WDPCP: variants seen among roughly 807,000 people sequenced by gnomAD.
The protein encoded by WDPCP is WD repeat containing planar cell polarity effector.
Under a neutral mutation model 93.1 loss-of-function variants are expected in WDPCP, and 71 were observed. That is an observed-to-expected ratio of 0.76 (90% CI 0.63 to 0.93). The LOEUF (loss-of-function observed/expected upper bound fraction) is 0.93. WDPCP is among the 40% of genes least tolerant of loss of function. The probability of loss-of-function intolerance (pLI) is 0.00; values close to 1 mark genes in which losing one functional copy is unlikely to be tolerated. For missense variants in WDPCP, 844 were observed against 887.4 expected (o/e 0.95, Z 0.62); for synonymous variants, 315 against 315.0 (o/e 1.00, Z 0.00).
At chr2:63,448,136 G>C (rs999224320) in intron 6 of WDPCP, among the ~76,000 whole-genome samples, 2 of 151,898 alleles carry the variant, frequency 1.3e-5, no homozygotes, top group African/African-American at 4.8e-5. Flanking sequence ...AAATTCTGCT[G>C]ATACTCTTTG....
At chr2:63,423,589 T>G (rs1223794832) in intron 9 of WDPCP, among the ~76,000 whole-genome samples, 1 of 152,200 alleles carries the variant, frequency 6.6e-6, no homozygotes, top group Non-Finnish European at 1.5e-5. Flanking sequence ...TAAGAGATCA[T>G]GAAATTACCA....
chr2:63,589,222 T>C, upstream of WDPCP: 2 of 1,568,774 alleles, frequency 1.3e-6, no homozygotes, highest in Non-Finnish European at 1.7e-6. Context: ...TGGGAAGGGA[T>C]TGATTTCCAC....
chr2:63,294,547 A>G lies in WDPCP; in HGVS notation c.1812+18701T>C, dbSNP rs370625961. ...AAAAAAAAAAGTGCTGAAAGAAAAAAAATGTCAACCAAGAATCCCGTATCT... is the reference window on the plus strand; with the variant it reads ...AAAAAAAAAAGTGCTGAAAGAAAAAGAATGTCAACCAAGAATCCCGTATCT... On this transcript the variant is annotated intron_variant, in intron 13 of 17. Transcript: ENST00000272321. Among the ~76,000 whole-genome samples, 454 of 151,908 alleles carry G rather than the reference A, an allele frequency of 3.0e-3. 23 individuals carry two copies. In the South Asian group the frequency reaches 0.074, roughly 25 times the overall value.
chr2:63,799,247 A>G (rs964618874), intron 2 of WDPCP, among the ~76,000 whole-genome samples: 7 of 152,216 alleles, frequency 4.6e-5, no homozygotes, highest in African/African-American at 1.4e-4. Flanking sequence ...AAGGATCACC[A>G]ATATCTTGTT....
intron 2 of WDPCP, among the ~76,000 whole-genome samples, chr2:63,803,600 T>A (rs1575777314): frequency 1.3e-5 from 2 of 152,292 alleles, no homozygotes; most frequent in South Asian, 4.1e-4. Flanking sequence ...TGGCTGTTAA[T>A]ATAGGAATTA....
chr2:63,310,135 T>C (rs1340037690), intron 13 of WDPCP, among the ~76,000 whole-genome samples: 2 of 152,158 alleles, frequency 1.3e-5, no homozygotes, highest in Non-Finnish European at 2.9e-5. Context: ...GTCATTACAA[T>C]ATGCCAGGCA....
At chr2:63,514,138 A>C (rs1702410042) in intron 1 of WDPCP, among the ~76,000 whole-genome samples, 1 of 152,192 alleles carries the variant, frequency 6.6e-6, no homozygotes, top group South Asian at 2.1e-4. Flanking sequence ...AGAAGAAATA[A>C]CTGAAGAATT....
In WDPCP at chr2:63,345,415, G is replaced by A. The variant is rs538295359; in HGVS notation, c.1749-32104C>T. Among the ~76,000 whole-genome samples the A allele has an allele frequency of 2.6e-5, 4 of 152,278 alleles. No individual in the cohort carries two copies. In the East Asian group the frequency reaches 7.7e-4, roughly 29 times the overall value. ...AACCGCTCTGCAGTACATGCAGTTG[G>A]CAGGACACAGATAGGCAAGTCTCAC... On this transcript the variant is annotated intron_variant, in intron 12 of 17. Transcript: ENST00000272321.
intron 2 of WDPCP, among the ~76,000 whole-genome samples, chr2:63,722,611 G>T (rs1453438492): frequency 7.0e-6 from 1 of 143,474 alleles, no homozygotes; most frequent in Non-Finnish European, 1.6e-5. Context: ...GAGGGAGGTG[G>T]GGGGGTCAGC....
intron 10 of WDPCP, among the ~76,000 whole-genome samples, chr2:63,388,222 T>A (rs756451624): frequency 2.6e-5 from 4 of 152,092 alleles, no homozygotes; most frequent in Non-Finnish European, 5.9e-5. Context: ...TTTCTGCATT[T>A]CCAACTGAGC....
chr2:63,155,369 A>G (rs1672166314), intron 15 of WDPCP, among the ~76,000 whole-genome samples: 1 of 152,158 alleles, frequency 6.6e-6, no homozygotes, highest in African/African-American at 2.4e-5. Context: ...TATTGTGCCA[A>G]TACCATTTGT....
chr2:63,408,521 A>C (rs1163736990), intron 9 of WDPCP, among the ~76,000 whole-genome samples: 1 of 152,302 alleles, frequency 6.6e-6, no homozygotes, highest in Admixed American at 6.5e-5. Context: ...GTAAAACTCC[A>C]CAGGGAGAAG....
chr2:63,713,393 CT>C (rs1285914311), intron 2 of WDPCP, among the ~76,000 whole-genome samples: 1 of 152,182 alleles, frequency 6.6e-6, no homozygotes, highest in African/African-American at 2.4e-5. Context: ...CTCCTACAAC[CT>C]TTCATTGGCA....
intron 1 of WDPCP, among the ~76,000 whole-genome samples, chr2:63,524,891 T>C (rs1342110804): frequency 6.6e-6 from 1 of 152,038 alleles, no homozygotes; most frequent in Non-Finnish European, 1.5e-5. Flanking sequence ...ATCACACAAT[T>C]TGGTATATAC....
At chr2:63,126,816 C>A (rs898149480) in intron 17 of WDPCP, among the ~76,000 whole-genome samples, 1 of 151,940 alleles carries the variant, frequency 6.6e-6, no homozygotes, top group African/African-American at 2.4e-5. Context: ...GCTGGGACTA[C>A]AGGTGTGCAC....
chr2:63,403,340 T>C (rs781395295), intron 10 of WDPCP, among the ~76,000 whole-genome samples: 23 of 151,954 alleles, frequency 1.5e-4, no homozygotes, highest in Non-Finnish European at 2.8e-4. Flanking sequence ...TTAATACCTG[T>C]GTGATGAAAT....
chr2:63,236,598 C>T (rs143319649), intron 14 of WDPCP, among the ~76,000 whole-genome samples: 143 of 152,188 alleles, frequency 9.4e-4, no homozygotes, highest in African/African-American at 3.0e-3. Context: ...CTGCAGTAAC[C>T]GAAACAGCAT....
intron 2 of WDPCP, among the ~76,000 whole-genome samples, chr2:63,760,737 T>G (rs1368741047): frequency 6.6e-6 from 1 of 152,186 alleles, no homozygotes; most frequent in East Asian, 1.9e-4. Flanking sequence ...TCCAACTTGG[T>G]GGGTTGTCAC....
At chr2:63,811,836 C>T (rs1197619468) in intron 2 of WDPCP, among the ~76,000 whole-genome samples, 1 of 152,044 alleles carries the variant, frequency 6.6e-6, no homozygotes, top group Non-Finnish European at 1.5e-5. Context: ...GTTTAGCTCC[C>T]ACTTACAAGT....
Sources: allele counts gnomAD v4.1 joint callset (sites outside exome capture counted in the v4.1 genomes callset), GRCh38; gene constraint gnomAD v4.1.1; transcripts MANE v1.5; gene names NCBI Gene and HGNC (gene_info 2026-07-23, HGNC 2026-07-21).